GM2A: variants seen among roughly 807,000 people sequenced by gnomAD.
The protein encoded by GM2A is ganglioside GM2 activator, also known as GM2 ganglioside activator.
In GM2A, 7 loss-of-function variants were observed where a neutral mutation model predicts 12.9. That is an observed-to-expected ratio of 0.54 (90% confidence interval 0.31 to 1.02). The LOEUF (loss-of-function observed/expected upper bound fraction) is 1.02, where lower values mean the gene tolerates loss of function less well. Among genes scored for constraint, GM2A ranks in the 50% least tolerant of loss-of-function variants. The pLI is 0.05. For synonymous variants in GM2A, 101 were observed against 96.0 expected (o/e 1.05, Z -0.30); for missense variants, 246 against 241.0 (o/e 1.02, Z -0.14).
Position 151,267,782 on chromosome 5 carries a change from C to T in GM2A, c.*331C>T. ...AATGGGAACCAGAGTGTTTTAGGAC[C>T]TGAAGAATCTTTATGACTCTCTCTC... On this transcript the variant is annotated 3_prime_UTR_variant, in exon 4 of 4. Coordinates refer to ENST00000357164, the MANE Select transcript of GM2A (RefSeq NM_000405.5). 8.2e-7 allele frequency: 1 copy of T among 1,222,174 alleles called. No homozygotes were observed. The highest frequency in any genetic ancestry group is 1.0e-6 in the Non-Finnish European group (1 of 964,174). 75.7% of individuals were successfully genotyped at this position (1,222,174 alleles called of 1,614,324 possible).
rs1753984871 is a variant in GM2A at position 151,270,292 on chromosome 5, T to G, written c.*2841T>G. The G allele has an allele frequency of 9.7e-6, 4 of 411,450 alleles. No homozygotes were observed. The highest frequency in any genetic ancestry group is 1.7e-5 in the Non-Finnish European group (4 of 237,914). The allele number at this position is 411,450 out of a possible 1,614,324, so 25.5% of individuals were successfully genotyped here. ...CCAAATGTAAGAAAATGAAGCCATATAAATACAGAAGGAAACGTGGTGGAA... is the reference window on the plus strand; with the variant it reads ...CCAAATGTAAGAAAATGAAGCCATAGAAATACAGAAGGAAACGTGGTGGAA... On this transcript the variant is annotated 3_prime_UTR_variant, in exon 4 of 4. Transcript: ENST00000357164.
intron 1 of GM2A, among the ~76,000 whole-genome samples, chr5:151,255,588 A>G (rs1022103116): frequency 1.3e-5 from 2 of 151,854 alleles, no homozygotes; most frequent in Non-Finnish European, 2.9e-5. Context: ...GCCAACGTGC[A>G]TCTCGGGGAG....
At chr5:151,260,056 C>T (rs1211231673) in intron 2 of GM2A, 140 bp downstream of exon 2, 2 of 619,720 alleles carry the variant, frequency 3.2e-6, no homozygotes, top group Non-Finnish European at 2.8e-6. Context: ...TAGATTCAGA[C>T]ACTCTTTCAC....
chr5:151,256,608 G>GAA (rs60009533), intron 1 of GM2A, among the ~76,000 whole-genome samples: 36,687 of 121,384 alleles, frequency 0.3, 5,701 homozygotes, highest in Admixed American at 0.42. Flanking sequence ...TCTGTCTCAA[G>GAA]AAAAAAAAAA....
chr5:151,266,243 T>C (rs924547686), intron 2 of GM2A, among the ~76,000 whole-genome samples: 2 of 151,288 alleles, frequency 1.3e-5, no homozygotes, highest in African/African-American at 4.9e-5. Context: ...CTTTGGGAGG[T>C]GGAGGTGGAA....
intron 2 of GM2A, among the ~76,000 whole-genome samples, chr5:151,262,790 A>G (rs1424441063): frequency 6.6e-6 from 1 of 152,126 alleles, no homozygotes; most frequent in African/African-American, 2.4e-5. Flanking sequence ...CTCTCCTGGT[A>G]GGCCGTCCGC....
chr5:151,268,267 T>G lies in GM2A; in HGVS notation c.*816T>G. On this transcript the variant is annotated 3_prime_UTR_variant, in exon 4 of 4. Transcript: ENST00000357164. Reference sequence around the variant, plus strand: ...GCCTCCTGGGTTCAAGCAATTCTCCTGCCTCAGCCTCCCAAGTAGCTTGGA... The same window carrying G: ...GCCTCCTGGGTTCAAGCAATTCTCCGGCCTCAGCCTCCCAAGTAGCTTGGA... 2.3e-6 allele frequency: 1 copy of G among 444,104 alleles called. No homozygotes were observed. Among genetic ancestry groups the G allele is most frequent in the Non-Finnish European group, 3.0e-6 (1 of 335,840 alleles). The allele number at this position is 444,104 out of a possible 1,614,324, so 27.5% of individuals were successfully genotyped here.
chr5:151,266,552 C>G (rs1246377196), intron 2 of GM2A, among the ~76,000 whole-genome samples, 179 bp from the exon 3 acceptor site: 1 of 152,034 alleles, frequency 6.6e-6, no homozygotes, highest in African/African-American at 2.4e-5. Context: ...ACACTATACT[C>G]ACACATGGGC....
In GM2A at chr5:151,264,089, A is replaced by G. The variant is rs1007546340; in HGVS notation, c.244-2642A>G. Among the ~76,000 whole-genome samples the G allele has an allele frequency of 6.6e-5, 10 of 152,200 alleles. 1 individual carries two copies. Among genetic ancestry groups the G allele is most frequent in the Admixed American group, 2.0e-4 (3 of 15,288 alleles). On this transcript the variant is annotated intron_variant, in intron 2 of 3. Coordinates refer to ENST00000357164, the MANE Select transcript of GM2A (RefSeq NM_000405.5). ...CAGCCTGTGGGACCCTGGTTTTCCC[A>G]TCCTCAAGAACTGTAAATTGTCACT...
chr5:151,261,503 A>G (rs553330841), intron 2 of GM2A, among the ~76,000 whole-genome samples: 5 of 152,304 alleles, frequency 3.3e-5, no homozygotes, highest in Admixed American at 2.6e-4. Context: ...CAGTAGCGCA[A>G]TCTCAGCTCC....
At position 151,268,693 on chromosome 5, in the gene GM2A, T is replaced by G; in HGVS notation, c.*1242T>G. On this transcript the variant is annotated 3_prime_UTR_variant, in exon 4 of 4. Transcript: ENST00000357164. The stretch of plus-strand genomic sequence containing the variant: ...TGAGACTCTGTCTCAAAAAAAAAGT[T>G]TCAATGTTTACTCCTAGAGAAGCCA... The G allele has an allele frequency of 1.7e-6, 1 of 577,574 alleles. No individual in the cohort carries two copies. The highest frequency in any genetic ancestry group is 2.2e-6 in the Non-Finnish European group (1 of 458,048). The allele number at this position is 577,574 out of a possible 1,614,324, so 35.8% of individuals were successfully genotyped here.
At chr5:151,255,692 C>A (rs934750647) in intron 1 of GM2A, among the ~76,000 whole-genome samples, 1 of 152,194 alleles carries the variant, frequency 6.6e-6, no homozygotes, top group Non-Finnish European at 1.5e-5. Flanking sequence ...CCTCACTCTG[C>A]CCCCGAGGCA....
rs577964650 is a variant in GM2A at position 151,254,351 on chromosome 5, C to T, written c.81+1054C>T. 9.2e-5 allele frequency among the ~76,000 whole-genome samples: 14 copies of T among 152,222 alleles called. 1 individual carries two copies. In the South Asian group the frequency reaches 2.9e-3, roughly 32 times the overall value. On this transcript the variant is annotated intron_variant, in intron 1 of 3. Coordinates refer to ENST00000357164, the MANE Select transcript of GM2A (RefSeq NM_000405.5). ...GCGGATTCTAACCAAGTTGAACTTA[C>T]AGAAGTTGAGAGTAGAGGTGGGGTC...
rs59997121 is a variant in GM2A, at chr5:151,266,447, C to CA, written c.244-269dup. ...GCAGTGAGTGCAGTGAGCCATGATA[C>CA]AAAAAAAAAAAAAAAGAATTCTAAG... On this transcript the variant is annotated intron_variant, in intron 2 of 3. Transcript: ENST00000357164. Among the ~76,000 whole-genome samples the CA allele has an allele frequency of 6.4e-3, 679 of 106,114 alleles. 11 individuals carry two copies. The highest frequency in any genetic ancestry group is 0.018 in the African/African-American group (467 of 26,342). 69.6% of individuals were successfully genotyped at this position (106,114 alleles called of 152,430 possible). A position where few individuals can be genotyped will look rare whatever the true frequency, so the allele number is the denominator to read the frequency against.
Position 151,259,763 on chromosome 5 carries a change from G to T in GM2A, c.90G>T (p.Gln30His), listed in dbSNP as rs371296403. 1.9e-6 allele frequency: 3 copies of T among 1,613,810 alleles called. No homozygotes were observed. In the African/African-American group the frequency reaches 4.0e-5, roughly 22 times the overall value. The change falls in exon 2 of 4, where the codon CAG becomes CAT. Residue 30 changes from glutamine (Q) to histidine (H), a missense_variant. Coordinates refer to ENST00000357164, the MANE Select transcript of GM2A (RefSeq NM_000405.5). ...TGCCTGATTGTCCCCAGCCATCCCA[G>T]CTCAGTAGCTTTTCCTGGGATAACT... ...PAQAHLKKPS[Q>H]LSSFSWDNCD...
intron 1 of GM2A, among the ~76,000 whole-genome samples, chr5:151,256,051 G>T (rs1056712438): frequency 6.6e-6 from 1 of 152,128 alleles, no homozygotes; most frequent in Non-Finnish European, 1.5e-5. Flanking sequence ...ATGGGGGTGG[G>T]GGGTGACAGT....
At chr5:151,266,349 G>A (rs933819812) in intron 2 of GM2A, among the ~76,000 whole-genome samples, 1 of 150,636 alleles carries the variant, frequency 6.6e-6, no homozygotes, top group Admixed American at 6.7e-5. Context: ...GTGGTGGCAT[G>A]TGCCTGTCTG....
At chr5:151,256,570 C>T (rs944188319) in intron 1 of GM2A, among the ~76,000 whole-genome samples, 1 of 147,384 alleles carries the variant, frequency 6.8e-6, no homozygotes, top group African/African-American at 2.5e-5. Flanking sequence ...CACGCTGCTG[C>T]ACTCCAGCCT....
rs986311322 is a variant in GM2A, at chr5:151,263,382, C to T, written c.244-3349C>T. 1.5e-4 allele frequency among the ~76,000 whole-genome samples: 23 copies of T among 151,446 alleles called. 1 individual carries two copies. The highest frequency in any genetic ancestry group is 3.4e-3 in the Middle Eastern group (1 of 292). On this transcript the variant is annotated intron_variant, in intron 2 of 3. Transcript: ENST00000357164. ...ACCAGGCCCGGCTCCCAATATTTCT[C>T]GTATATATATATATATTTATTTATT...
Sources: allele counts gnomAD v4.1 joint callset (sites outside exome capture counted in the v4.1 genomes callset), GRCh38; gene constraint gnomAD v4.1.1; transcripts MANE v1.5; gene names NCBI Gene and HGNC (gene_info 2026-07-23, HGNC 2026-07-21).